Variants in ZMYND12 observed in about 807,000 individuals in gnomAD.
ZMYND12 encodes zinc finger MYND-type containing 12.
Under a neutral mutation model 41.7 loss-of-function variants are expected in ZMYND12, and 32 were observed. The observed-to-expected ratio is 0.77, with a 90% CI of 0.58 to 1.03. The LOEUF is 1.03. Among genes scored for constraint, ZMYND12 ranks in the 50% least tolerant of loss-of-function variants. The probability of loss-of-function intolerance (pLI) is 0.00; values close to 1 mark genes in which losing one functional copy is unlikely to be tolerated. For missense variants in ZMYND12, 424 were observed against 438.5 expected (o/e 0.97, Z 0.30); for synonymous variants, 148 against 164.8 (o/e 0.90, Z 0.78).
intron 7 of ZMYND12, among the ~76,000 whole-genome samples, chr1:42,432,114 A>T (rs10399789): frequency 0.17 from 24,580 of 147,244 alleles, 2,207 homozygotes; most frequent in African/African-American, 0.22. Flanking sequence ...TAGAGTGCAG[A>T]GGCACAAGCA....
At chr1:42,435,205 T>A (rs1438369248) in intron 6 of ZMYND12, 69 bp downstream of exon 6, 2 of 1,229,498 alleles carry the variant, frequency 1.6e-6, no homozygotes, top group African/African-American at 3.0e-5. Context: ...CTTTCCCTCT[T>A]AGGGACAAGG....
intron 3 of ZMYND12, among the ~76,000 whole-genome samples, 159 bp downstream of exon 3, chr1:42,448,308 A>G (rs1403742132): frequency 6.6e-6 from 1 of 152,192 alleles, no homozygotes; most frequent in East Asian, 1.9e-4. Flanking sequence ...AAAGTCTGTG[A>G]CATCTCCTTC....
At chr1:42,452,563 C>T (rs1643093388) in intron 1 of ZMYND12, among the ~76,000 whole-genome samples, 1 of 152,046 alleles carries the variant, frequency 6.6e-6, no homozygotes. Context: ...ATTAGCCAGG[C>T]GTGGTGGCGC....
intron 3 of ZMYND12, among the ~76,000 whole-genome samples, chr1:42,443,476 G>T (rs752094406): frequency 2.0e-5 from 3 of 152,194 alleles, no homozygotes; most frequent in African/African-American, 4.8e-5. Context: ...GGCTTACACT[G>T]GGTTAACGGC....
chr1:42,450,452 G>C (rs1484851345), intron 1 of ZMYND12, among the ~76,000 whole-genome samples: 1 of 152,134 alleles, frequency 6.6e-6, no homozygotes, highest in Non-Finnish European at 1.5e-5. Context: ...CTAAAGGTTT[G>C]TCAATTTTGT....
At chr1:42,441,871 C>T (rs910138061) in intron 3 of ZMYND12, among the ~76,000 whole-genome samples, 10 of 152,216 alleles carry the variant, frequency 6.6e-5, no homozygotes, top group African/African-American at 1.9e-4. Context: ...CCGCCCGCCT[C>T]GGCCTCCCAA....
rs1288332106 is a variant in ZMYND12 at position 42,440,012 on chromosome 1, G to A, written c.438C>T (p.Ile146=). The A allele has an allele frequency of 2.5e-6, 4 of 1,610,086 alleles. No individual in the cohort carries two copies. Among genetic ancestry groups the A allele is most frequent in the East Asian group, 2.2e-5 (1 of 44,854 alleles). The change falls in exon 4 of 8, where the codon ATC becomes ATT. Residue 146 remains isoleucine, a synonymous_variant. Coordinates refer to ENST00000372565, the MANE Select transcript of ZMYND12 (RefSeq NM_032257.5). ...LAEASLGLGR[I]VQAEEYLFQA... ...GGAATAGATATTCTTCAGCCTGAAC[G>A]ATTCGGCCCAGACCTGCCCAAAAGC...
chr1:42,451,230 C>G (rs1324632174), intron 1 of ZMYND12, among the ~76,000 whole-genome samples: 1 of 152,112 alleles, frequency 6.6e-6, no homozygotes, highest in Non-Finnish European at 1.5e-5. Flanking sequence ...GATCTTTCAT[C>G]TAGTTGTTCT....
chr1:42,431,805 G>A (rs1046871645), intron 7 of ZMYND12, among the ~76,000 whole-genome samples: 4 of 152,142 alleles, frequency 2.6e-5, no homozygotes, highest in African/African-American at 9.7e-5. Context: ...AGTGCCCTGT[G>A]CACTGTGCTC....
chr1:42,444,064 G>T (rs940798530), intron 3 of ZMYND12, among the ~76,000 whole-genome samples: 7 of 152,066 alleles, frequency 4.6e-5, no homozygotes, highest in African/African-American at 1.7e-4. Flanking sequence ...GGTCTTGCTA[G>T]GTTGCCCAGG....
rs772682134 is a variant in ZMYND12, at chr1:42,430,705, G to T, written c.*31C>A. On this transcript the variant is annotated 3_prime_UTR_variant, in exon 8 of 8. Coordinates refer to ENST00000372565, the MANE Select transcript of ZMYND12 (RefSeq NM_032257.5). The stretch of plus-strand genomic sequence containing the variant: ...TATATTAGATCTTCAGTAGCCCCTG[G>T]AATAACCCTTGATGCAGAGCTCATG... 1.2e-6 allele frequency: 2 copies of T among 1,610,860 alleles called. No homozygotes were observed. Among genetic ancestry groups the T allele is most frequent in the Admixed American group, 1.7e-5 (1 of 59,978 alleles).
At chr1:42,443,880 C>T (rs1330804569) in intron 3 of ZMYND12, among the ~76,000 whole-genome samples, 3 of 152,116 alleles carry the variant, frequency 2.0e-5, no homozygotes, top group Non-Finnish European at 4.4e-5. Flanking sequence ...AATAAATAGA[C>T]AAAACATGAG....
At chr1:42,432,651 T>C in intron 7 of ZMYND12, among the ~76,000 whole-genome samples, 1 of 152,200 alleles carries the variant, frequency 6.6e-6, no homozygotes, top group East Asian at 1.9e-4. Flanking sequence ...GTTTGTAAAG[T>C]AGAGATAATA....
chr1:42,444,802 C>CTTTTT (rs34129195), intron 3 of ZMYND12, among the ~76,000 whole-genome samples: 5 of 124,564 alleles, frequency 4.0e-5, no homozygotes, highest in East Asian at 2.3e-4. Context: ...AGGAGTAGTT[C>CTTTTT]TTTTTTTTTT....
At chr1:42,434,051 A>G (rs1244372475) in intron 6 of ZMYND12, among the ~76,000 whole-genome samples, 2 of 152,348 alleles carry the variant, frequency 1.3e-5, no homozygotes, top group African/African-American at 4.8e-5. Context: ...CCTCTCCTCC[A>G]AAGAGTCTTC....
At chr1:42,443,633 CT>C (rs770088496) in intron 3 of ZMYND12, among the ~76,000 whole-genome samples, 12 of 152,138 alleles carry the variant, frequency 7.9e-5, no homozygotes, top group Admixed American at 3.9e-4. Flanking sequence ...TATTGAAGAC[CT>C]GTTATTTGCC....
chr1:42,437,993 T>C (rs1331096814), intron 4 of ZMYND12, among the ~76,000 whole-genome samples: 1 of 151,724 alleles, frequency 6.6e-6, no homozygotes, highest in African/African-American at 2.4e-5. Flanking sequence ...GTATTTTTCA[T>C]AGAGACGGGG....
intron 1 of ZMYND12, among the ~76,000 whole-genome samples, chr1:42,454,701 C>T (rs1643128832): frequency 7.4e-6 from 1 of 135,832 alleles, no homozygotes; most frequent in Non-Finnish European, 1.6e-5. Context: ...AATGATGTTC[C>T]AACTTTTTTT....
At position 42,447,620 on chromosome 1, in the gene ZMYND12, C is replaced by T. The variant is rs929964609; in HGVS notation, c.424+847G>A. ...ATATATCTCATTTACTAAGGGGACA[C>T]TGAAGTATTCTAAGGATAGGGAATC... On this transcript the variant is annotated intron_variant, in intron 3 of 7. Coordinates refer to ENST00000372565, the MANE Select transcript of ZMYND12 (RefSeq NM_032257.5). Among the ~76,000 whole-genome samples, 48 of 152,250 alleles carry T rather than the reference C, an allele frequency of 3.2e-4. 1 individual carries two copies. Among genetic ancestry groups the T allele is most frequent in the African/African-American group, 9.9e-4 (41 of 41,564 alleles).
Sources: allele counts gnomAD v4.1 joint callset (sites outside exome capture counted in the v4.1 genomes callset), GRCh38; gene constraint gnomAD v4.1.1; transcripts MANE v1.5; gene names NCBI Gene and HGNC (gene_info 2026-07-23, HGNC 2026-07-21).